GRIK2: variants seen among roughly 807,000 people sequenced by gnomAD.
The protein encoded by GRIK2 is glutamate ionotropic receptor kainate type subunit 2.
In GRIK2, 32 loss-of-function variants were observed where a neutral mutation model predicts 100.3. The observed-to-expected ratio is 0.32, with a 90% CI of 0.24 to 0.43. The LOEUF (loss-of-function observed/expected upper bound fraction) is 0.43, where lower values mean the gene tolerates loss of function less well. Among genes scored for constraint, GRIK2 ranks in the 20% least tolerant of loss-of-function variants. GRIK2 has a pLI of 1.00. For synonymous variants in GRIK2, 417 were observed against 389.4 expected (o/e 1.07, Z -0.83); for missense variants, 843 against 1,114.9 (o/e 0.76, Z 3.47).
intron 7 of GRIK2, among the ~76,000 whole-genome samples, chr6:101,731,811 A>T (rs1360763483): frequency 6.6e-6 from 1 of 152,036 alleles, no homozygotes; most frequent in African/African-American, 2.4e-5. Flanking sequence ...GACAGAATTC[A>T]TAGGTATGTC....
At chr6:101,919,551 A>G (rs1231746126) in intron 12 of GRIK2, among the ~76,000 whole-genome samples, 1 of 151,802 alleles carries the variant, frequency 6.6e-6, no homozygotes, top group African/African-American at 2.4e-5. Context: ...GAAGTTACAG[A>G]GATGGATGGA....
intron 7 of GRIK2, among the ~76,000 whole-genome samples, chr6:101,746,876 A>G (rs931482982): frequency 6.6e-6 from 1 of 152,140 alleles, no homozygotes; most frequent in Admixed American, 6.6e-5. Flanking sequence ...TGGGAGGACA[A>G]AGGTATTTTC....
At chr6:102,055,288 T>G in intron 15 of GRIK2, 42 bp from the exon 16 acceptor site, 1 of 1,491,392 alleles carries the variant, frequency 6.7e-7, no homozygotes, top group Middle Eastern at 1.8e-4. Flanking sequence ...TTATGAAATT[T>G]CAGGTTCCTT....
At chr6:101,547,433 A>G (rs1776300328) in intron 2 of GRIK2, among the ~76,000 whole-genome samples, 1 of 152,094 alleles carries the variant, frequency 6.6e-6, no homozygotes, top group African/African-American at 2.4e-5. Context: ...CTCGTCATTT[A>G]ACATTAGATA....
chr6:101,975,488 A>G (rs1223052), intron 14 of GRIK2, among the ~76,000 whole-genome samples: 39,099 of 151,876 alleles, frequency 0.26, 5,685 homozygotes, highest in Non-Finnish European at 0.34. Context: ...AAGTGTTGTG[A>G]TCAAGAATGT....
At chr6:101,810,195 C>A (rs1781244515) in intron 9 of GRIK2, among the ~76,000 whole-genome samples, 1 of 151,818 alleles carries the variant, frequency 6.6e-6, no homozygotes, top group Non-Finnish European at 1.5e-5. Flanking sequence ...TGGCTTTTAA[C>A]TGAATGGTAT....
chr6:101,928,325 A>G, intron 13 of GRIK2, 90 bp from the exon 14 acceptor site: 1 of 732,406 alleles, frequency 1.4e-6, no homozygotes, highest in East Asian at 2.5e-5. Flanking sequence ...TTTATTACAC[A>G]GTGATTCCAT....
rs1045323501 is a variant in GRIK2 at position 102,067,706 on chromosome 6, G to A, written c.2563-641G>A. On this transcript the variant is annotated intron_variant, in intron 16 of 16. Transcript: ENST00000369134. ...TTATCAAGCTAATGATGACAAAAAA[G>A]TTAATATTTGTTTGTAGATGTCTAA... 1.1e-4 allele frequency among the ~76,000 whole-genome samples: 16 copies of A among 151,896 alleles called. No individual in the cohort carries two copies. The Admixed American group carries it at 1.1e-3, about 10-fold the overall frequency.
intron 2 of GRIK2, among the ~76,000 whole-genome samples, chr6:101,464,952 C>T (rs1025132483): frequency 6.6e-6 from 1 of 152,160 alleles, no homozygotes; most frequent in African/African-American, 2.4e-5. Context: ...CTTTCTAAGT[C>T]AATCTTGATA....
At chr6:101,673,603 T>A (rs1189638558) in intron 4 of GRIK2, among the ~76,000 whole-genome samples, 1 of 152,212 alleles carries the variant, frequency 6.6e-6, no homozygotes, top group Non-Finnish European at 1.5e-5. Context: ...CTGTTTATTC[T>A]TCTATATGCA....
intron 11 of GRIK2, among the ~76,000 whole-genome samples, chr6:101,863,860 G>A (rs901638486): frequency 2.6e-4 from 39 of 152,138 alleles, no homozygotes; most frequent in African/African-American, 8.4e-4. Flanking sequence ...TGGATTGGCC[G>A]GGCGCGGTGG....
chr6:101,969,579 A>G (rs371360549), intron 14 of GRIK2, among the ~76,000 whole-genome samples: 5 of 152,080 alleles, frequency 3.3e-5, no homozygotes, highest in African/African-American at 7.2e-5. Flanking sequence ...TTTGACAACT[A>G]TGATAGAGCA....
At chr6:101,873,783 C>T (rs1010272863) in intron 11 of GRIK2, among the ~76,000 whole-genome samples, 2 of 151,888 alleles carry the variant, frequency 1.3e-5, no homozygotes, top group African/African-American at 4.8e-5. Context: ...TTAATGATCA[C>T]CATTCTAACT....
Position 101,489,298 on chromosome 6 carries a change from G to A in GRIK2, c.115+89906G>A, listed in dbSNP as rs557129751. On this transcript the variant is annotated intron_variant, in intron 2 of 16. Transcript: ENST00000369134. Reference sequence around the variant, plus strand: ...CCATGGCTAGAGAAACTTGAAAAGTGGAAACAGGGCACTTGATATTCCATG... The same window carrying A: ...CCATGGCTAGAGAAACTTGAAAAGTAGAAACAGGGCACTTGATATTCCATG... Among the ~76,000 whole-genome samples, 69 of 146,060 alleles carry A rather than the reference G, an allele frequency of 4.7e-4. 8 individuals carry two copies. The highest frequency in any genetic ancestry group is 1.8e-3 in the African/African-American group (68 of 38,282).
intron 14 of GRIK2, among the ~76,000 whole-genome samples, chr6:101,931,958 CAT>C (rs917508966): frequency 7.2e-5 from 11 of 152,164 alleles, no homozygotes; most frequent in African/African-American, 2.6e-4. Flanking sequence ...CATTATGCAA[CAT>C]GTTACCAAGC....
At chr6:101,777,257 C>T (rs766133933) in intron 7 of GRIK2, among the ~76,000 whole-genome samples, 5 of 152,156 alleles carry the variant, frequency 3.3e-5, no homozygotes, top group Non-Finnish European at 7.3e-5. Context: ...CCACCGCACA[C>T]CTGCTCTGTG....
intron 2 of GRIK2, among the ~76,000 whole-genome samples, chr6:101,423,593 C>T (rs1350995835): frequency 1.3e-5 from 2 of 152,120 alleles, no homozygotes; most frequent in African/African-American, 2.4e-5. Flanking sequence ...ATTTGTATAT[C>T]TTCTTTGGTG....
At chr6:101,906,366 C>CTGTGTGTGTGTGTGTGTGTGTG (rs141112872) in intron 12 of GRIK2, among the ~76,000 whole-genome samples, 9,526 of 145,778 alleles carry the variant, frequency 0.065, 432 homozygotes, top group African/African-American at 0.12. Context: ...AAAACAAGAT[C>CTGTGTGTGTGTGTGTGTGTGTG]TGTGTGTGTG....
At chr6:101,418,203 T>C (rs184970321) in intron 2 of GRIK2, among the ~76,000 whole-genome samples, 1 of 152,326 alleles carries the variant, frequency 6.6e-6, no homozygotes, top group East Asian at 1.9e-4. Context: ...TGGGTATTAG[T>C]ATAGTGATTC....
Sources: allele counts gnomAD v4.1 joint callset (sites outside exome capture counted in the v4.1 genomes callset), GRCh38; gene constraint gnomAD v4.1.1; transcripts MANE v1.5; gene names NCBI Gene and HGNC (gene_info 2026-07-23, HGNC 2026-07-21).